The following STK31 variants were observed in gnomAD, a reference collection of about 807,000 sequenced individuals.
STK31 encodes the protein serine/threonine kinase 31.
Under a neutral mutation model 129.7 loss-of-function variants are expected in STK31, and 89 were observed. The observed-to-expected ratio is 0.69, with a 90% CI of 0.58 to 0.82. The LOEUF is 0.82. Ranked by LOEUF, STK31 falls within the 40% of genes least tolerant of loss-of-function variation. The pLI, the probability that STK31 is intolerant of heterozygous loss-of-function variation, is 0.00. For missense variants in STK31, 1,187 were observed against 1,176.4 expected (o/e 1.01, Z -0.13); for synonymous variants, 448 against 395.3 (o/e 1.13, Z -1.58).
chr7:23,801,800 ATTCTCTGTT>A, intron 22 of STK31, among the ~76,000 whole-genome samples: 1 of 71,420 alleles, frequency 1.4e-5, no homozygotes, highest in Non-Finnish European at 3.0e-5. Context: ...AGAGAGTGTT[ATTCTCTGTT>A]GAATTGTCTT....
chr7:23,771,327 C>T, intron 14 of STK31: 1 of 377,054 alleles, frequency 2.7e-6, no homozygotes, highest in Non-Finnish European at 4.5e-6. Context: ...TCCATGAGAA[C>T]CACAATTTTT....
rs752309246 is a variant in STK31 at position 23,790,952 on chromosome 7, T to C, written c.2760+6T>C. The C allele has an allele frequency of 5.8e-6, 9 of 1,544,494 alleles. 1 individual carries two copies. The South Asian group carries it at 1.0e-4, about 18-fold the overall frequency. Reference sequence around the variant, plus strand: ...ATGGCTGCCTCTTATTATGGGTATGTTATTTTTTTGTTGAAATAGATCATA... The same window carrying C: ...ATGGCTGCCTCTTATTATGGGTATGCTATTTTTTTGTTGAAATAGATCATA... On this transcript the variant is annotated splice_donor_region_variant and intron_variant, in intron 22 of 23. Transcript: ENST00000355870.
intron 22 of STK31, among the ~76,000 whole-genome samples, chr7:23,799,989 A>G (rs983765422): frequency 5.5e-4 from 84 of 152,354 alleles, no homozygotes; most frequent in African/African-American, 2.0e-3. Flanking sequence ...AAAAAAGCTC[A>G]TCATCACTGG....
At chr7:23,779,875 A>AG (rs1790805234) in intron 15 of STK31, among the ~76,000 whole-genome samples, 1 of 152,006 alleles carries the variant, frequency 6.6e-6, no homozygotes, top group Non-Finnish European at 1.5e-5. Context: ...TCCAGGTGCA[A>AG]GGGGGGTATG....
intron 11 of STK31, among the ~76,000 whole-genome samples, chr7:23,764,536 T>C (rs1426050521): frequency 6.6e-6 from 1 of 152,210 alleles, no homozygotes; most frequent in African/African-American, 2.4e-5. Flanking sequence ...ACTTCTTTTG[T>C]GGCATACAAT....
Position 23,769,749 on chromosome 7 carries a change from C to A in STK31, c.1706C>A (p.Ala569Asp). Residue 569 changes from alanine to aspartate, a missense_variant, in exon 13 of 24, where the codon GCT (alanine) becomes GAT (aspartate). Physicochemically the swap from Ala to Asp is moderately radical, Grantham distance 126. This residue lies in a region of STK31 where 975 missense variants were observed against 934.9 expected (regional missense o/e 1.04). Coordinates refer to ENST00000355870, the MANE Select transcript of STK31 (RefSeq NM_031414.5). ...AGTGTCTGCAAAGAGCTGGAGATAG[C>A]TCTGGTTGTGAGTATCGATATTCTT... is the stretch of plus-strand genomic sequence containing the variant. ...ESSVCKELEI[A>D]LVDQGDADKE... is the part of the protein sequence containing the mutation. The A allele has an allele frequency of 6.3e-7, 1 of 1,599,082 alleles. No homozygotes were observed. The highest frequency in any genetic ancestry group is 8.6e-7 in the Non-Finnish European group (1 of 1,169,318).
intron 4 of STK31, among the ~76,000 whole-genome samples, chr7:23,725,712 A>G (rs896538403): frequency 6.6e-6 from 1 of 152,208 alleles, no homozygotes; most frequent in Non-Finnish European, 1.5e-5. Context: ...TAACTCCAAC[A>G]TAGTATAGTT....
At chr7:23,778,263 T>C (rs1213172195) in intron 15 of STK31, among the ~76,000 whole-genome samples, 1 of 152,210 alleles carries the variant, frequency 6.6e-6, no homozygotes, top group Non-Finnish European at 1.5e-5. Context: ...CTGGCTTCCC[T>C]TAACATTTTT....
In STK31 at chr7:23,725,714, A is replaced by G. The variant is rs866056229; in HGVS notation, c.250-1527A>G. ...TGTACAAAAAGCATAACTCCAACAT[A>G]GTATAGTTGAGAGTTAGACTTAAGT... On this transcript the variant is annotated intron_variant, in intron 4 of 23. Coordinates refer to ENST00000355870, the MANE Select transcript of STK31 (RefSeq NM_031414.5). Among the ~76,000 whole-genome samples the G allele has an allele frequency of 2.6e-5, 4 of 152,222 alleles. No individual in the cohort carries two copies. The South Asian group carries it at 8.3e-4, about 31-fold the overall frequency.
chr7:23,749,321 TTTTTC>T (rs950689795), intron 8 of STK31, among the ~76,000 whole-genome samples: 9 of 151,232 alleles, frequency 6.0e-5, no homozygotes, highest in South Asian at 2.1e-4. Flanking sequence ...GCCTTGTAAT[TTTTTC>T]TTTTCTTTTC....
chr7:23,723,134 C>T (rs760964327), intron 4 of STK31, among the ~76,000 whole-genome samples: 4 of 152,150 alleles, frequency 2.6e-5, no homozygotes, highest in Non-Finnish European at 5.9e-5. Context: ...CAGAAATCAC[C>T]CGTCTTCTGC....
At chr7:23,738,744 C>T (rs34281173) in intron 8 of STK31, among the ~76,000 whole-genome samples, 50,294 of 151,622 alleles carry the variant, frequency 0.33, 8,578 homozygotes, top group South Asian at 0.46. Context: ...TTAGTAGAGA[C>T]GGGGTTTCAC....
Position 23,832,376 on chromosome 7 carries a change from G to A in STK31, c.*10G>A, listed in dbSNP as rs1309989629. 6.3e-7 allele frequency: 1 copy of A among 1,594,162 alleles called. No homozygotes were observed. Among genetic ancestry groups the A allele is most frequent in the Admixed American group, 1.7e-5 (1 of 57,582 alleles). On this transcript the variant is annotated 3_prime_UTR_variant, in exon 24 of 24. Coordinates refer to ENST00000355870, the MANE Select transcript of STK31 (RefSeq NM_031414.5). ...CAACTTTGATTGTTAAATTATTATT[G>A]TTGTTGTTGCAGAGGTTCTTTTTAA...
chr7:23,745,633 C>A (rs59957543), intron 8 of STK31, among the ~76,000 whole-genome samples: 36,635 of 152,160 alleles, frequency 0.24, 4,874 homozygotes, highest in East Asian at 0.39. Context: ...CTGGTGGCAG[C>A]AGCAGCTAGC....
chr7:23,778,033 T>C (rs965510217), intron 15 of STK31, among the ~76,000 whole-genome samples: 9 of 152,270 alleles, frequency 5.9e-5, no homozygotes, highest in Admixed American at 1.3e-4. Flanking sequence ...CAGGTCTGAT[T>C]GTGACAAAGT....
intron 13 of STK31, 111 bp from the exon 14 acceptor site, chr7:23,770,894 C>T: frequency 8.8e-7 from 1 of 1,141,002 alleles, no homozygotes; most frequent in South Asian, 1.7e-5. Context: ...TTTGAAATCA[C>T]TGCGGAAATC....
chr7:23,805,518 T>C (rs1792645945), intron 22 of STK31, among the ~76,000 whole-genome samples: 1 of 152,224 alleles, frequency 6.6e-6, no homozygotes, highest in Non-Finnish European at 1.5e-5. Flanking sequence ...GGAGTTTTGC[T>C]CTGTCACCTG....
At chr7:23,763,517 A>G (rs747984688) in intron 11 of STK31, among the ~76,000 whole-genome samples, 3 of 152,034 alleles carry the variant, frequency 2.0e-5, no homozygotes, top group African/African-American at 7.2e-5. Flanking sequence ...GTCCTTTAAT[A>G]TTGTTTAAAA....
chr7:23,774,824 T>C (rs1466352634), intron 15 of STK31, among the ~76,000 whole-genome samples: 1 of 152,238 alleles, frequency 6.6e-6, no homozygotes, highest in Non-Finnish European at 1.5e-5. Context: ...CCATTGCTTT[T>C]GGTGTTTTGG....
Sources: gnomAD v4.1 joint callset for allele counts (sites outside exome capture counted in the v4.1 genomes callset) on GRCh38, gnomAD v4.1.1 for gene constraint, gnomAD v4.1.1 regional missense constraint, MANE v1.5 for transcripts, NCBI Gene and HGNC (gene_info 2026-07-23, HGNC 2026-07-21) for gene names.